Variants in CA10 observed in about 807,000 individuals in gnomAD.
CA10 encodes the protein carbonic anhydrase-related protein 10.
A neutral mutation model predicts 44.2 loss-of-function variants in CA10; 14 were observed. The observed-to-expected ratio is 0.32, with a 90% CI of 0.21 to 0.50. The LOEUF (loss-of-function observed/expected upper bound fraction) is 0.50, where lower values mean the gene tolerates loss of function less well. CA10 is among the 20% of genes least tolerant of loss of function. The pLI, the probability that CA10 is intolerant of heterozygous loss-of-function variation, is 0.99. For missense variants in CA10, 350 were observed against 409.7 expected, an observed-to-expected ratio of 0.85 and a Z score of 1.26; for synonymous variants, 159 against 141.6, an observed-to-expected ratio of 1.12 and a Z score of -0.87.
chr17:52,132,303 G>T (rs762966864), intron 1 of CA10, among the ~76,000 whole-genome samples: 1 of 152,140 alleles, frequency 6.6e-6, no homozygotes, highest in Non-Finnish European at 1.5e-5. Flanking sequence ...GGTTTGACTG[G>T]AGAGGCACTG....
chr17:51,643,367 T>C (rs571479062), intron 6 of CA10, among the ~76,000 whole-genome samples: 1 of 152,274 alleles, frequency 6.6e-6, no homozygotes, highest in South Asian at 2.1e-4. Flanking sequence ...CAATATCTCC[T>C]CCAGAAAATC....
chr17:52,087,044 C>A (rs923768615), intron 1 of CA10, among the ~76,000 whole-genome samples: 14 of 152,328 alleles, frequency 9.2e-5, no homozygotes, highest in African/African-American at 2.9e-4. Context: ...TCTTACTCAC[C>A]ATTTGCCAGC....
chr17:51,964,873 A>G (rs1984023695), intron 2 of CA10, among the ~76,000 whole-genome samples: 1 of 151,848 alleles, frequency 6.6e-6, no homozygotes, highest in Admixed American at 6.6e-5. Context: ...CTGACCCCAA[A>G]GCTAGCAATA....
At chr17:51,761,392 G>A (rs1316542120) in intron 3 of CA10, 2 of 152,072 alleles carry the variant, frequency 1.3e-5, no homozygotes, top group African/African-American at 2.4e-5. Context: ...CTATTTACTA[G>A]GAATACATAA....
chr17:51,792,617 C>T (rs775115903), intron 3 of CA10, among the ~76,000 whole-genome samples: 41 of 151,922 alleles, frequency 2.7e-4, no homozygotes, highest in Non-Finnish European at 2.1e-4. Context: ...ATAAATGAAC[C>T]GGTAGCTATT....
intron 1 of CA10, among the ~76,000 whole-genome samples, chr17:52,098,264 A>G (rs1458194995): frequency 6.6e-6 from 1 of 152,240 alleles, no homozygotes; most frequent in Non-Finnish European, 1.5e-5. Flanking sequence ...GTCTAAGCAC[A>G]GTGTTTATCA....
intron 2 of CA10, among the ~76,000 whole-genome samples, chr17:52,016,012 T>C (rs1458927715): frequency 6.6e-6 from 1 of 152,008 alleles, no homozygotes; most frequent in East Asian, 1.9e-4. Context: ...GAGGTAGACA[T>C]TGGAGTCTAC....
chr17:51,785,970 G>A (rs1462407286), intron 3 of CA10, among the ~76,000 whole-genome samples: 1 of 151,978 alleles, frequency 6.6e-6, no homozygotes, highest in Admixed American at 6.6e-5. Context: ...CATTTTTTTG[G>A]TGTCCTCTTC....
intron 1 of CA10, among the ~76,000 whole-genome samples, chr17:52,142,422 C>T (rs1426527762): frequency 6.6e-6 from 1 of 152,106 alleles, no homozygotes; most frequent in Non-Finnish European, 1.5e-5. Flanking sequence ...TTTATTAAGC[C>T]ATTATTATGT....
At chr17:51,937,854 G>A (rs1201040520) in intron 2 of CA10, among the ~76,000 whole-genome samples, 3 of 152,168 alleles carry the variant, frequency 2.0e-5, no homozygotes, top group Non-Finnish European at 4.4e-5. Flanking sequence ...CTTACTCATA[G>A]AGAGTGCATT....
intron 1 of CA10, among the ~76,000 whole-genome samples, chr17:52,078,501 T>C (rs530580938): frequency 3.3e-5 from 5 of 152,316 alleles, no homozygotes; most frequent in East Asian, 1.9e-4. Context: ...CTGCTATGGT[T>C]ACTTCATTTT....
chr17:51,997,988 G>A (rs1199318724), intron 2 of CA10, among the ~76,000 whole-genome samples: 1 of 152,058 alleles, frequency 6.6e-6, no homozygotes, highest in Non-Finnish European at 1.5e-5. Context: ...GGAACCAAGA[G>A]ACAGAAACAT....
intron 3 of CA10, among the ~76,000 whole-genome samples, chr17:51,765,261 A>G (rs1057131813): frequency 6.6e-5 from 10 of 152,148 alleles, no homozygotes; most frequent in African/African-American, 2.4e-4. Flanking sequence ...CTTCTATCTC[A>G]TCGTGGGCTG....
chr17:51,982,524 C>A lies in CA10; in HGVS notation c.137-51392G>T, dbSNP rs576635240. Among the ~76,000 whole-genome samples, 7 of 152,058 alleles carry A rather than the reference C, an allele frequency of 4.6e-5. No homozygotes were observed. The South Asian group carries it at 1.5e-3, about 32-fold the overall frequency. ...ATTAAGTCAAGAATATAGTAAAGAACATCCCAGTTTCACATGTTCAAACTT... is the reference window on the plus strand; with the variant it reads ...ATTAAGTCAAGAATATAGTAAAGAAAATCCCAGTTTCACATGTTCAAACTT... On this transcript the variant is annotated intron_variant, in intron 2 of 8. Transcript: ENST00000451037.
intron 1 of CA10, among the ~76,000 whole-genome samples, chr17:52,106,817 T>C (rs1019083614): frequency 4.6e-5 from 7 of 152,208 alleles, no homozygotes; most frequent in Non-Finnish European, 4.4e-5. Flanking sequence ...ACGGCTCAGA[T>C]TGTATTAACT....
At chr17:51,996,791 C>T (rs1985252278) in intron 2 of CA10, among the ~76,000 whole-genome samples, 2 of 151,976 alleles carry the variant, frequency 1.3e-5, no homozygotes, top group African/African-American at 4.8e-5. Flanking sequence ...CTACACCCAA[C>T]CACAGCAGGG....
intron 2 of CA10, among the ~76,000 whole-genome samples, chr17:51,980,769 T>C (rs1984626561): frequency 6.6e-6 from 1 of 152,170 alleles, no homozygotes; most frequent in Admixed American, 6.6e-5. Context: ...ATTTATTGAA[T>C]AGGGAGTCCT....
At chr17:51,919,827 A>T (rs203070) in intron 3 of CA10, among the ~76,000 whole-genome samples, 116,699 of 151,916 alleles carry the variant, frequency 0.77, 45,168 homozygotes, top group Non-Finnish European at 0.8. Context: ...AATTTTTGTA[A>T]TTTTTTAGTA....
chr17:52,106,372 A>G (rs553538611), intron 1 of CA10, among the ~76,000 whole-genome samples: 1 of 152,294 alleles, frequency 6.6e-6, no homozygotes, highest in African/African-American at 2.4e-5. Context: ...TGATTTGTTT[A>G]TTGCTGAGTC....
Sources: gnomAD v4.1 joint callset for allele counts (sites outside exome capture counted in the v4.1 genomes callset) on GRCh38, gnomAD v4.1.1 for gene constraint, MANE v1.5 for transcripts, NCBI Gene and HGNC (gene_info 2026-07-23, HGNC 2026-07-21) for gene names.